NTRK1: variants seen among roughly 807,000 people sequenced by gnomAD.
The protein encoded by NTRK1 is neurotrophic receptor tyrosine kinase 1.
A neutral mutation model predicts 86.8 loss-of-function variants in NTRK1; 62 were observed. That is an observed-to-expected ratio of 0.71 (90% CI 0.58 to 0.88). NTRK1 has a LOEUF of 0.88. NTRK1 is among the 40% of genes least tolerant of loss of function. NTRK1 has a pLI of 0.00. For synonymous variants in NTRK1, 469 were observed against 456.6 expected (o/e 1.03, Z -0.35); for missense variants, 967 against 1,078.4 (o/e 0.90, Z 1.45).
intron 2 of NTRK1, chr1:156,851,164 C>G: frequency 1.0e-6 from 1 of 979,000 alleles, no homozygotes; most frequent in Non-Finnish European, 1.6e-6. Flanking sequence ...AGAAGTTAAC[C>G]TACTTAGAGT....
At chr1:156,869,318 T>C (rs573210716) in intron 6 of NTRK1, among the ~76,000 whole-genome samples, 4 of 152,230 alleles carry the variant, frequency 2.6e-5, no homozygotes, top group African/African-American at 9.6e-5. Context: ...GACCTCGTGA[T>C]CCACCCACCT....
chr1:156,816,481 C>T (rs909535767), intron 1 of NTRK1, among the ~76,000 whole-genome samples: 1 of 152,216 alleles, frequency 6.6e-6, no homozygotes, highest in South Asian at 2.1e-4. Context: ...CAAACCCTGT[C>T]ACCTTTATCC....
chr1:156,852,542 C>T lies in NTRK1; in HGVS notation c.50+10349C>T, dbSNP rs572921260. On this transcript the variant is annotated intron_variant, in intron 2 of 16. Coordinates refer to the NTRK1 transcript ENST00000392302. ...TGGCTGGGCATGGTGCCAGGGTGAG[C>T]GGGCCAGCCTCTCCTGAGCAGCTAG... Among the ~76,000 whole-genome samples, 187 of 152,320 alleles carry T rather than the reference C, an allele frequency of 1.2e-3. No homozygotes were observed. The Middle Eastern group carries it at 0.014, about 11-fold the overall frequency.
intron 2 of NTRK1, among the ~76,000 whole-genome samples, chr1:156,847,681 G>A (rs1334206463): frequency 6.6e-6 from 1 of 151,982 alleles, no homozygotes; most frequent in African/African-American, 2.4e-5. Flanking sequence ...GGGGGTGGGG[G>A]CTCATAGTGG....
At chr1:156,875,835 G>A (rs367723022) in intron 12 of NTRK1, 169 bp downstream of exon 12, 1 of 1,177,538 alleles carries the variant, frequency 8.5e-7, no homozygotes, top group East Asian at 2.6e-5. Flanking sequence ...GCTGAGTCCA[G>A]CCTGGCTCTT....
chr1:156,820,902 C>T (rs1485349758), intron 1 of NTRK1, among the ~76,000 whole-genome samples: 3 of 152,150 alleles, frequency 2.0e-5, no homozygotes, highest in Non-Finnish European at 2.9e-5. Context: ...AATATTGATT[C>T]TTACCATCCA....
intron 2 of NTRK1, chr1:156,845,541 A>AACCCCCCCCCCC: frequency 7.8e-7 from 1 of 1,288,356 alleles, no homozygotes; most frequent in Non-Finnish European, 1.1e-6. Flanking sequence ...CCACCCACAA[A>AACCCCCCCCCCC]CCCCACCCCT....
At chr1:156,867,848 C>T (rs568879490) in intron 4 of NTRK1, among the ~76,000 whole-genome samples, 110 of 149,936 alleles carry the variant, frequency 7.3e-4, no homozygotes, top group South Asian at 6.1e-3. Context: ...TAAGTTTTTG[C>T]ATTTTTAGTA....
intron 1 of NTRK1, among the ~76,000 whole-genome samples, chr1:156,838,627 A>C (rs894761957): frequency 1.3e-5 from 2 of 152,156 alleles, no homozygotes. Flanking sequence ...TACCTAGTTA[A>C]ATCCACTTCT....
At chr1:156,849,159 G>T in intron 2 of NTRK1, 1 of 1,600,382 alleles carries the variant, frequency 6.2e-7, no homozygotes, top group South Asian at 1.1e-5. Flanking sequence ...ACTTCTCAGA[G>T]TGTCCCCCTC....
intron 2 of NTRK1, among the ~76,000 whole-genome samples, chr1:156,852,372 CTG>C (rs1655256175): frequency 1.3e-5 from 2 of 152,264 alleles, no homozygotes; most frequent in African/African-American, 4.8e-5. Context: ...AGGACAAGGA[CTG>C]TGGCCGTCTG....
At chr1:156,874,266 C>T (rs540713556) in intron 8 of NTRK1, 117 bp from the exon 9 acceptor site, 3 of 1,484,802 alleles carry the variant, frequency 2.0e-6, no homozygotes, top group East Asian at 2.3e-5. Context: ...CCTCCATCCC[C>T]CCTCGTCCCA....
At chr1:156,878,457 C>G (rs1571701812) in intron 14 of NTRK1, among the ~76,000 whole-genome samples, 4 of 152,182 alleles carry the variant, frequency 2.6e-5, no homozygotes, top group Admixed American at 6.5e-5. Context: ...GCTTGGCACA[C>G]TGGAAATGTT....
intron 2 of NTRK1, among the ~76,000 whole-genome samples, chr1:156,850,598 A>T (rs1210801514): frequency 8.4e-6 from 1 of 118,624 alleles, no homozygotes; most frequent in African/African-American, 3.3e-5. Flanking sequence ...CTCAGGCCCT[A>T]GGCTGGAGTG....
In NTRK1 at chr1:156,876,109, G is replaced by C. The variant is rs769486223; in HGVS notation, c.1531G>C (p.Val511Leu). Residue 511 changes from valine to leucine, a missense_variant, in exon 13 of 17, where the codon GTG (valine) becomes CTG (leucine). Val to Leu is a conservative substitution (Grantham distance 32). Transcript: ENST00000524377. Reference sequence around the variant, plus strand: ...TCACCACATCAAGCGCCGGGACATCGTGCTCAAGTGGGAGCTGGGGGAGGG... The same window carrying C: ...TCACCACATCAAGCGCCGGGACATCCTGCTCAAGTGGGAGCTGGGGGAGGG... Reference protein sequence around the residue: ...CVHHIKRRDIVLKWELGEGAF... With the variant: ...CVHHIKRRDILLKWELGEGAF... 5.6e-6 allele frequency: 9 copies of C among 1,614,174 alleles called. No individual in the cohort carries two copies. The highest frequency in any genetic ancestry group is 6.8e-6 in the Non-Finnish European group (8 of 1,180,028).
rs572969335 is a variant in NTRK1, at chr1:156,845,315, A to G, written c.50+3122A>G. 5.6e-6 allele frequency: 9 copies of G among 1,611,446 alleles called. No individual in the cohort carries two copies. In the South Asian group the frequency reaches 8.8e-5, roughly 16 times the overall value. ...TGAGTCCCTGGGGAGAGCGAGTCAG[A>G]GCCAAGGCCCAGCCCCCAAAGCCAC... On this transcript the variant is annotated intron_variant, in intron 2 of 16. Transcript: ENST00000392302.
At chr1:156,848,222 C>T (rs571934212) in intron 2 of NTRK1, among the ~76,000 whole-genome samples, 1 of 152,244 alleles carries the variant, frequency 6.6e-6, no homozygotes, top group South Asian at 2.1e-4. Flanking sequence ...AGACCCTGAG[C>T]CAGTGGTCAG....
intron 4 of NTRK1, among the ~76,000 whole-genome samples, chr1:156,867,887 A>G (rs551781508): frequency 6.9e-6 from 1 of 144,568 alleles, no homozygotes; most frequent in African/African-American, 2.6e-5. Context: ...GTTAGCCAGG[A>G]TGGTCTCGAT....
At chr1:156,849,315 C>T in intron 2 of NTRK1, 2 of 1,613,986 alleles carry the variant, frequency 1.2e-6, no homozygotes, top group Non-Finnish European at 1.7e-6. Context: ...GTGCCTGTCA[C>T]CTCCTCCAGT....
Sources: allele counts gnomAD v4.1 joint callset (sites outside exome capture counted in the v4.1 genomes callset), GRCh38; gene constraint gnomAD v4.1.1; transcripts MANE v1.5; gene names NCBI Gene and HGNC (gene_info 2026-07-23, HGNC 2026-07-21).